Variants in NTRK3 observed in about 807,000 individuals in gnomAD.
NTRK3 encodes the protein neurotrophic receptor tyrosine kinase 3, also known as NT-3 growth factor receptor.
A neutral mutation model predicts 91.7 loss-of-function variants in NTRK3; 24 were observed. The observed-to-expected ratio is 0.26, with a 90% confidence interval of 0.19 to 0.37. NTRK3 has a LOEUF of 0.37. NTRK3 is among the 10% of genes least tolerant of loss of function. The pLI, the probability that NTRK3 is intolerant of heterozygous loss-of-function variation, is 1.00. For synonymous variants in NTRK3, 483 were observed against 404.0 expected (o/e 1.20, Z -2.34); for missense variants, 880 against 1,068.9 (o/e 0.82, Z 2.46).
intron 3 of NTRK3, among the ~76,000 whole-genome samples, chr15:88,251,007 C>T (rs939560120): frequency 6.6e-6 from 1 of 152,208 alleles, no homozygotes; most frequent in African/African-American, 2.4e-5. Context: ...TGGCCCTGAG[C>T]CCAGGGTGCA....
intron 13 of NTRK3, among the ~76,000 whole-genome samples, chr15:88,115,302 G>A (rs1292762470): frequency 6.6e-6 from 1 of 152,204 alleles, no homozygotes; most frequent in Non-Finnish European, 1.5e-5. Flanking sequence ...CAGCGGGCTG[G>A]TGCTATGGCA....
intron 13 of NTRK3, among the ~76,000 whole-genome samples, chr15:88,068,599 G>C (rs1445092224): frequency 2.0e-5 from 3 of 152,192 alleles, no homozygotes; most frequent in African/African-American, 7.2e-5. Context: ...GACAAGGCAA[G>C]CAGCTGCTGT....
chr15:88,042,072 T>G (rs1478295161), intron 13 of NTRK3, among the ~76,000 whole-genome samples: 6 of 152,130 alleles, frequency 3.9e-5, no homozygotes, highest in African/African-American at 1.4e-4. Flanking sequence ...AAGAAAATGA[T>G]TTTTTTAAAA....
At chr15:87,985,046 T>G (rs908761827) in intron 14 of NTRK3, among the ~76,000 whole-genome samples, 2 of 152,126 alleles carry the variant, frequency 1.3e-5, no homozygotes, top group Admixed American at 6.5e-5. Context: ...TGAATGCCCC[T>G]AAAATACCAA....
intron 13 of NTRK3, among the ~76,000 whole-genome samples, chr15:88,094,639 T>C (rs913303859): frequency 6.6e-6 from 1 of 152,178 alleles, no homozygotes; most frequent in East Asian, 1.9e-4. Context: ...GGATGACATG[T>C]AGAATGTGAG....
chr15:88,063,421 C>G (rs1423312334), intron 13 of NTRK3, among the ~76,000 whole-genome samples: 2 of 152,220 alleles, frequency 1.3e-5, no homozygotes, highest in Admixed American at 1.3e-4. Flanking sequence ...CTAATGGATT[C>G]TGTATGTCCC....
At chr15:87,979,611 G>T in intron 14 of NTRK3, 1 of 652,496 alleles carries the variant, frequency 1.5e-6, no homozygotes, top group South Asian at 1.8e-5. Flanking sequence ...TAGGAGGAGG[G>T]GATTAACTTA....
intron 14 of NTRK3, among the ~76,000 whole-genome samples, chr15:87,996,877 G>T (rs961470277): frequency 6.6e-6 from 1 of 152,192 alleles, no homozygotes; most frequent in African/African-American, 2.4e-5. Flanking sequence ...TAAACTTTTA[G>T]TGTGTAGATG....
chr15:88,092,855 A>G (rs1050797918), intron 13 of NTRK3, among the ~76,000 whole-genome samples: 2 of 152,108 alleles, frequency 1.3e-5, no homozygotes, highest in African/African-American at 2.4e-5. Context: ...GCATGTTCAA[A>G]TCACCCTCTG....
chr15:87,999,918 G>C (rs868165820), intron 14 of NTRK3, among the ~76,000 whole-genome samples: 2 of 152,202 alleles, frequency 1.3e-5, no homozygotes, highest in Admixed American at 6.5e-5. Context: ...TAATTGAAAT[G>C]CTGATTTAAT....
chr15:88,140,153 C>T, intron 6 of NTRK3, among the ~76,000 whole-genome samples: 1 of 152,052 alleles, frequency 6.6e-6, no homozygotes, highest in Non-Finnish European at 1.5e-5. Flanking sequence ...CCATTGAGGC[C>T]TCTAGAACTG....
intron 6 of NTRK3, among the ~76,000 whole-genome samples, chr15:88,139,801 T>A (rs1327398484): frequency 6.6e-6 from 1 of 151,912 alleles, no homozygotes; most frequent in East Asian, 1.9e-4. Context: ...TCAAAACTCA[T>A]GCACTCTCCA....
chr15:88,071,574 G>T (rs1309157935), intron 13 of NTRK3, among the ~76,000 whole-genome samples: 1 of 152,244 alleles, frequency 6.6e-6, no homozygotes, highest in Non-Finnish European at 1.5e-5. Context: ...ACCTATTATG[G>T]TTAGGCAGCA....
chr15:87,956,525 A>C (rs1164067349), intron 14 of NTRK3, among the ~76,000 whole-genome samples: 123 of 136,108 alleles, frequency 9.0e-4, no homozygotes, highest in Middle Eastern at 4.8e-3. Context: ...CCACCCGCCT[A>C]AGCCTCCCGA....
chr15:88,197,896 G>A (rs1373175604), intron 3 of NTRK3, among the ~76,000 whole-genome samples: 1 of 152,128 alleles, frequency 6.6e-6, no homozygotes, highest in Non-Finnish European at 1.5e-5. Flanking sequence ...AAAAATAACA[G>A]CTTTGGGGTC....
chr15:88,244,120 G>A (rs1019604087), intron 3 of NTRK3, among the ~76,000 whole-genome samples: 4 of 152,126 alleles, frequency 2.6e-5, no homozygotes, highest in African/African-American at 9.7e-5. Context: ...GAACCATAGA[G>A]CGTTCAGTAG....
chr15:87,957,058 C>T (rs2071744400), intron 14 of NTRK3, among the ~76,000 whole-genome samples: 1 of 152,154 alleles, frequency 6.6e-6, no homozygotes, highest in Non-Finnish European at 1.5e-5. Flanking sequence ...CAACGTGACC[C>T]ATGGAGCCAG....
intron 16 of NTRK3, among the ~76,000 whole-genome samples, chr15:87,931,851 G>C (rs1284884242): frequency 6.6e-6 from 1 of 152,182 alleles, no homozygotes; most frequent in Non-Finnish European, 1.5e-5. Context: ...AGCAGTTTTT[G>C]GTGAGTGGGC....
chr15:87,894,449 A>T (rs1009110865), intron 17 of NTRK3, among the ~76,000 whole-genome samples: 1 of 152,172 alleles, frequency 6.6e-6, no homozygotes, highest in Non-Finnish European at 1.5e-5. Context: ...ATGCATGTGC[A>T]TCGTGTGTAC....
Sources: gnomAD v4.1 joint callset for allele counts (sites outside exome capture counted in the v4.1 genomes callset) on GRCh38, gnomAD v4.1.1 for gene constraint, MANE v1.5 for transcripts, NCBI Gene and HGNC (gene_info 2026-07-23, HGNC 2026-07-21) for gene names.